The following ANKRD36 variants were observed in gnomAD, a reference collection of about 807,000 sequenced individuals.
The protein encoded by ANKRD36 is ankyrin repeat domain-containing protein 36A.
ANKRD36 carries 179 observed loss-of-function variants against 278.1 expected under a neutral mutation model. The observed-to-expected ratio is 0.64, with a 90% CI of 0.57 to 0.73. ANKRD36 has a LOEUF of 0.73. Ranked by LOEUF, ANKRD36 falls within the 30% of genes least tolerant of loss-of-function variation. The probability of loss-of-function intolerance (pLI) is 0.00; values close to 1 mark genes in which losing one functional copy is unlikely to be tolerated. For synonymous variants in ANKRD36, 320 were observed against 641.1 expected (o/e 0.50, Z 7.57); for missense variants, 1,159 against 1,956.7 (o/e 0.59, Z 7.69).
rs952660227 is a variant in ANKRD36, at chr2:97,155,795, A to C, written c.1260+1054A>C. Among the ~76,000 whole-genome samples the C allele has an allele frequency of 2.7e-5, 4 of 146,706 alleles. 1 individual carries two copies. Among genetic ancestry groups the C allele is most frequent in the Admixed American group, 1.4e-4 (2 of 14,782 alleles). On this transcript the variant is annotated intron_variant, in intron 15 of 75. Coordinates refer to ENST00000420699, the MANE Select transcript of ANKRD36 (RefSeq NM_001354587.1). The stretch of plus-strand genomic sequence containing the variant: ...TTACTATGAGCCACTTGAAGCTAGA[A>C]AACCTATTTGTATGTATCTTAAGCA...
At chr2:97,133,976 T>C (rs1574710579) in intron 6 of ANKRD36, among the ~76,000 whole-genome samples, 1 of 152,088 alleles carries the variant, frequency 6.6e-6, no homozygotes, top group East Asian at 1.9e-4. Context: ...CTTGGTATTG[T>C]ACCTTCTATA....
At chr2:97,148,088 C>T (rs2044768338) in intron 11 of ANKRD36, among the ~76,000 whole-genome samples, 1 of 151,842 alleles carries the variant, frequency 6.6e-6, no homozygotes, top group Non-Finnish European at 1.5e-5. Flanking sequence ...GCTTAGAATC[C>T]CTCAAGAACC....
At chr2:97,241,568 C>G in intron 69 of ANKRD36, 89 bp downstream of exon 69, 1 of 397,208 alleles carries the variant, frequency 2.5e-6, no homozygotes, top group Non-Finnish European at 4.2e-6. Flanking sequence ...AACTTTCCTT[C>G]TAGGATTTAA....
chr2:97,202,173 A>T, intron 46 of ANKRD36, 29 bp from the exon 47 acceptor site: 1 of 1,608,278 alleles, frequency 6.2e-7, no homozygotes, highest in Non-Finnish European at 8.5e-7. Context: ...TTTACGTATG[A>T]CTGATTATGA....
At chr2:97,210,871 A>G (rs1395951681) in intron 56 of ANKRD36, among the ~76,000 whole-genome samples, 1 of 151,858 alleles carries the variant, frequency 6.6e-6, no homozygotes. Context: ...TGAGGCTAAT[A>G]TATTATCCTT....
rs781284967 is a variant in ANKRD36 at position 97,124,562 on chromosome 2, T to C, written c.696T>C (p.Ile232=). 1.9e-5 allele frequency: 29 copies of C among 1,553,156 alleles called. No individual in the cohort carries two copies. In the East Asian group the frequency reaches 6.5e-4, roughly 35 times the overall value. Reference sequence around the variant, plus strand: ...TTTCTCGAGATGCGTTTCGAAAGATTGCAGGAGATTATGCCATTGAGGCTA... The same window carrying C: ...TTTCTCGAGATGCGTTTCGAAAGATCGCAGGAGATTATGCCATTGAGGCTA... The part of the protein sequence containing the change: ...DVLSRDAFRK[I]AGDYAIEAKN... The change falls in exon 5 of 76, where the codon ATT becomes ATC. Residue 232 remains isoleucine (I), a synonymous_variant. Coordinates refer to ENST00000420699, the MANE Select transcript of ANKRD36 (RefSeq NM_001354587.1).
chr2:97,232,793 G>A (rs578007144), intron 67 of ANKRD36, among the ~76,000 whole-genome samples: 3 of 151,564 alleles, frequency 2.0e-5, no homozygotes, highest in Admixed American at 2.0e-4. Context: ...CTCAGACAAG[G>A]AAAATTTTTA....
chr2:97,243,180 G>A (rs1437162177), intron 69 of ANKRD36, among the ~76,000 whole-genome samples: 1 of 143,642 alleles, frequency 7.0e-6, no homozygotes, highest in African/African-American at 2.4e-5. Flanking sequence ...CGAGGTGGTC[G>A]GGGTGCAGCT....
At chr2:97,191,658 G>T (rs1363618891) in intron 36 of ANKRD36, among the ~76,000 whole-genome samples, 2 of 151,636 alleles carry the variant, frequency 1.3e-5, no homozygotes, top group African/African-American at 4.8e-5. Context: ...GCAGGAAGGT[G>T]GGAAAAGAGG....
Position 97,160,969 on chromosome 2 carries a change from G to A in ANKRD36, c.1390-1130G>A, listed in dbSNP as rs560139368. On this transcript the variant is annotated intron_variant, in intron 17 of 75. Coordinates refer to ENST00000420699, the MANE Select transcript of ANKRD36 (RefSeq NM_001354587.1). The stretch of plus-strand genomic sequence containing the variant: ...AATATATTTTATATCTTTTAATCCA[G>A]TATAGAAATATATAATTGAAATTTT... 1.1e-3 allele frequency among the ~76,000 whole-genome samples: 163 copies of A among 151,700 alleles called. 4 individuals are homozygous for A. The East Asian group carries it at 0.013, about 12-fold the overall frequency.
chr2:97,209,642 T>C lies in ANKRD36; in HGVS notation c.3266-39T>C, dbSNP rs762286526. 7.0e-6 allele frequency: 11 copies of C among 1,581,678 alleles called. No individual in the cohort carries two copies. In the African/African-American group the frequency reaches 1.0e-4, roughly 15 times the overall value. Reference sequence around the variant, plus strand: ...TGAATGTATGGATAACTTTATCATATTTACATGTGAGTGATTATGTATCCC... The same window carrying C: ...TGAATGTATGGATAACTTTATCATACTTACATGTGAGTGATTATGTATCCC... On this transcript the variant is annotated intron_variant, in intron 54 of 75. Coordinates refer to ENST00000420699, the MANE Select transcript of ANKRD36 (RefSeq NM_001354587.1).
chr2:97,219,766 C>A (rs1014834370), intron 66 of ANKRD36, among the ~76,000 whole-genome samples: 2 of 137,414 alleles, frequency 1.5e-5, no homozygotes, highest in African/African-American at 5.9e-5. Context: ...CAGGTGTGAA[C>A]CACCATGCCT....
At chr2:97,140,165 C>T (rs1023666103) in intron 6 of ANKRD36, among the ~76,000 whole-genome samples, 135 of 151,596 alleles carry the variant, frequency 8.9e-4, no homozygotes, top group Non-Finnish European at 1.4e-3. Context: ...AGGATCTCAG[C>T]GTGTCTTATT....
At position 97,193,127 on chromosome 2, in the gene ANKRD36, C is replaced by T. The variant is rs1383687431; in HGVS notation, c.2449+74C>T. ...AAGTTCTCTTCCCTGAATAAATCAG[C>T]GGGGGGCTCGTTGAAGCTGCACATT... On this transcript the variant is annotated intron_variant, in intron 38 of 75. Coordinates refer to ENST00000420699, the MANE Select transcript of ANKRD36 (RefSeq NM_001354587.1). 9.6e-6 allele frequency: 13 copies of T among 1,356,578 alleles called. 1 individual carries two copies. Among genetic ancestry groups the T allele is most frequent in the Middle Eastern group, 2.5e-4 (1 of 3,944 alleles). The allele number at this position is 1,356,578 out of a possible 1,614,324, so 84.0% of individuals were successfully genotyped here. A position where few individuals can be genotyped will look rare whatever the true frequency, so the allele number is the denominator to read the frequency against.
rs10194525 is a variant in ANKRD36 at position 97,211,741 on chromosome 2, G to C, written c.3469G>C (p.Val1157Leu). The change falls in exon 58 of 76, where the codon GTG becomes CTG. Residue 1157 changes from valine (V) to leucine (L), a missense_variant and splice_region_variant. Coordinates refer to ENST00000420699, the MANE Select transcript of ANKRD36 (RefSeq NM_001354587.1). Reference sequence around the variant, plus strand: ...AAAGGATGAACAAATATCTGGGACAGGTAATTTTGCAAACACATTTAATAT... The same window carrying C: ...AAAGGATGAACAAATATCTGGGACACGTAATTTTGCAAACACATTTAATAT... ...EKKDEQISGT[V>L]SCQKQPALKA... is the part of the protein sequence containing the mutation. The C allele has an allele frequency of 1.3e-6, 2 of 1,567,762 alleles. No homozygotes were observed. Among genetic ancestry groups the C allele is most frequent in the East Asian group, 2.4e-5 (1 of 41,610 alleles).
At chr2:97,261,156 C>T (rs2076714973) in intron 75 of ANKRD36, among the ~76,000 whole-genome samples, 1 of 123,452 alleles carries the variant, frequency 8.1e-6, no homozygotes, top group Non-Finnish European at 1.5e-5. Flanking sequence ...TTTGCATTCA[C>T]AGCTTAGTTT....
At position 97,213,549 on chromosome 2, in the gene ANKRD36, G is replaced by A. The variant is rs2065217508; in HGVS notation, c.3506G>A (p.Ser1169Asn). The change falls in exon 60 of 76, where the codon AGT becomes AAT. Residue 1169 changes from serine to asparagine, a missense_variant. Transcript: ENST00000420699. ...CQKQPALKAT[S>N]DKKDSVSNIP... The stretch of plus-strand genomic sequence containing the variant: ...GTTTCAAATTCCATTCAGGCTACAA[G>A]TGACAAGAAAGATTCTGTTTCGAAT... 2 of 632,226 alleles carry A rather than the reference G, an allele frequency of 3.2e-6. No homozygotes were observed. Among genetic ancestry groups the A allele is most frequent in the African/African-American group, 4.6e-5 (2 of 43,512 alleles). 39.2% of individuals were successfully genotyped at this position (632,226 alleles called of 1,614,324 possible).
chr2:97,207,302 T>A (rs1213646183), intron 52 of ANKRD36, among the ~76,000 whole-genome samples: 2 of 151,648 alleles, frequency 1.3e-5, no homozygotes, highest in African/African-American at 4.8e-5. Flanking sequence ...TTAGGTCACT[T>A]CCACTGAAGA....
Position 97,164,469 on chromosome 2 carries a change from G to A in ANKRD36, c.1531G>A (p.Glu511Lys). The change falls in exon 20 of 76, where the codon GAA (glutamate) becomes AAA (lysine). Residue 511 changes from glutamate (E) to lysine (K), a missense_variant and splice_region_variant. Transcript: ENST00000420699. The part of the protein sequence containing the change: ...GGMDSLTSSE[E>K]SSERPPLSTL... ...TATGGATTCACTAACTTCCAGTGAA[G>A]GTAAATTTGCCGCTACAAATTTCGT... is the stretch of plus-strand genomic sequence containing the variant. 2.0e-6 allele frequency: 3 copies of A among 1,536,088 alleles called. No individual in the cohort carries two copies. Among genetic ancestry groups the A allele is most frequent in the Non-Finnish European group, 2.6e-6 (3 of 1,146,522 alleles).
Sources: allele counts gnomAD v4.1 joint callset (sites outside exome capture counted in the v4.1 genomes callset), GRCh38; gene constraint gnomAD v4.1.1; transcripts MANE v1.5; gene names NCBI Gene and HGNC (gene_info 2026-07-23, HGNC 2026-07-21).